Variants in COP1 observed in about 807,000 individuals in gnomAD.
COP1 encodes E3 ubiquitin-protein ligase COP1.
In COP1, 24 loss-of-function variants were observed where a neutral mutation model predicts 101.3. The observed-to-expected ratio is 0.24, with a 90% CI of 0.17 to 0.33. The LOEUF (loss-of-function observed/expected upper bound fraction) is 0.33, where lower values mean the gene tolerates loss of function less well. Ranked by LOEUF, COP1 falls within the 10% of genes least tolerant of loss-of-function variation. The pLI, the probability that COP1 is intolerant of heterozygous loss-of-function variation, is 1.00. For missense variants in COP1, 663 were observed against 906.2 expected (o/e 0.73, Z 3.45); for synonymous variants, 347 against 341.9 (o/e 1.01, Z -0.17).
intron 5 of COP1, among the ~76,000 whole-genome samples, chr1:176,151,401 GAAAGAAAGAA>G (rs1692550228): frequency 7.6e-6 from 1 of 131,314 alleles, no homozygotes; most frequent in Non-Finnish European, 1.8e-5. Context: ...AAGAAAGAAA[GAAAGAAAGAA>G]AGAAAGAAAC....
At position 175,956,424 on chromosome 1, in the gene COP1, G is replaced by GA. The variant is rs1405044087; in HGVS notation, c.2134-9186dup. Among the ~76,000 whole-genome samples, 5 of 149,784 alleles carry GA rather than the reference G, an allele frequency of 3.3e-5. No homozygotes were observed. In the East Asian group the frequency reaches 5.9e-4, roughly 18 times the overall value. Reference sequence around the variant, plus strand: ...AAAAGCTGAAACAATAAAACTTCAAGAAAAAAAATCAGAGAAAATCTTTGG... The same window carrying GA: ...AAAAGCTGAAACAATAAAACTTCAAGAAAAAAAAATCAGAGAAAATCTTTGG... On this transcript the variant is annotated intron_variant, in intron 18 of 19. Coordinates refer to ENST00000367669, the MANE Select transcript of COP1 (RefSeq NM_022457.7).
At chr1:176,004,153 G>T (rs1355110951) in intron 15 of COP1, among the ~76,000 whole-genome samples, 1 of 151,348 alleles carries the variant, frequency 6.6e-6, no homozygotes, top group Admixed American at 6.6e-5. Flanking sequence ...CTCTCTGTTT[G>T]TCTGTTGTTG....
At chr1:176,083,980 G>A (rs1679652877) in intron 10 of COP1, among the ~76,000 whole-genome samples, 3 of 152,080 alleles carry the variant, frequency 2.0e-5, no homozygotes, top group Admixed American at 6.6e-5. Flanking sequence ...GTCTTGTAAA[G>A]CTACACCCCC....
intron 15 of COP1, among the ~76,000 whole-genome samples, chr1:176,013,278 T>A (rs1314930279): frequency 6.6e-6 from 1 of 152,120 alleles, no homozygotes; most frequent in Non-Finnish European, 1.5e-5. Flanking sequence ...CCCAAAAATA[T>A]ATGATTATAG....
intron 11 of COP1, among the ~76,000 whole-genome samples, chr1:176,064,338 T>C (rs1675526392): frequency 6.6e-6 from 1 of 152,222 alleles, no homozygotes; most frequent in Admixed American, 6.5e-5. Context: ...ATGGACACAC[T>C]AGCATTTCCA....
intron 8 of COP1, 115 bp from the exon 9 acceptor site, chr1:176,116,796 G>A: frequency 1.4e-6 from 1 of 716,188 alleles, no homozygotes; most frequent in Non-Finnish European, 2.3e-6. Context: ...TCTAAGCCAA[G>A]AAAATATTTA....
At chr1:176,130,006 A>G (rs1418935642) in intron 8 of COP1, among the ~76,000 whole-genome samples, 1 of 151,762 alleles carries the variant, frequency 6.6e-6, no homozygotes, top group Non-Finnish European at 1.5e-5. Flanking sequence ...ATTCAATTAC[A>G]CATAATAATA....
chr1:176,135,179 G>T, intron 7 of COP1, 93 bp from the exon 8 acceptor site: 2 of 774,274 alleles, frequency 2.6e-6, no homozygotes, highest in African/African-American at 1.8e-5. Flanking sequence ...CTATTCCCAG[G>T]TTTTCATCAG....
intron 9 of COP1, among the ~76,000 whole-genome samples, chr1:176,096,498 C>T (rs891310833): frequency 2.0e-5 from 3 of 152,198 alleles, no homozygotes; most frequent in Admixed American, 6.5e-5. Context: ...GGCCCCAAGG[C>T]GGCCTCAGGG....
rs1261791810 is a variant in COP1, at chr1:176,206,767, G to T, written c.212C>A (p.Ala71Glu). 1.3e-6 allele frequency: 2 copies of T among 1,507,474 alleles called. No homozygotes were observed. Among genetic ancestry groups the T allele is most frequent in the Non-Finnish European group, 1.8e-6 (2 of 1,135,094 alleles). The allele number at this position is 1,507,474 out of a possible 1,614,324, so 93.4% of individuals were successfully genotyped here. Residue 71 changes from alanine to glutamate, a missense_variant, in exon 1 of 20, where the codon GCG (alanine) becomes GAG (glutamate). Physicochemically the swap from Ala to Glu is moderately radical, Grantham distance 107. Around this residue, in one of 4 missense-constraint regions of COP1, gnomAD observed 204 missense variants for 203.6 expected, o/e 1.00. Transcript: ENST00000367669. ...GCCGCCGCTACCCGATACGGCGGGCGCCACCAACACAGGCCGCACCGGGCC... is the reference window on the plus strand; with the variant it reads ...GCCGCCGCTACCCGATACGGCGGGCTCCACCAACACAGGCCGCACCGGGCC... ...LGGPVRPVLV[A>E]PAVSGSGGGA... is the part of the protein sequence containing the mutation.
chr1:176,159,982 G>A (rs112572570), intron 5 of COP1, among the ~76,000 whole-genome samples: 1 of 152,206 alleles, frequency 6.6e-6, no homozygotes, highest in South Asian at 2.1e-4. Flanking sequence ...TTTTCTGTAT[G>A]CTGGAAAGAT....
At chr1:176,071,810 T>C (rs1677056389) in intron 11 of COP1, among the ~76,000 whole-genome samples, 1 of 152,210 alleles carries the variant, frequency 6.6e-6, no homozygotes, top group South Asian at 2.1e-4. Flanking sequence ...TTCACAAGTC[T>C]ACTAAAATTT....
Position 176,102,472 on chromosome 1 carries a change from C to T in COP1, c.1026+14152G>A, listed in dbSNP as rs141749972. 2.6e-3 allele frequency among the ~76,000 whole-genome samples: 398 copies of T among 152,292 alleles called. 3 individuals are homozygous for T. Among genetic ancestry groups the T allele is most frequent in the African/African-American group, 9.2e-3 (381 of 41,556 alleles). On this transcript the variant is annotated intron_variant, in intron 9 of 19. Coordinates refer to ENST00000367669, the MANE Select transcript of COP1 (RefSeq NM_022457.7). ...TTCTGAAACTGCCACTGCAAAATTA[C>T]AGCTAAGACAGTGAAAGAGATCTGA...
chr1:176,077,456 T>A (rs1678260344), intron 11 of COP1, among the ~76,000 whole-genome samples: 1 of 152,134 alleles, frequency 6.6e-6, no homozygotes, highest in East Asian at 1.9e-4. Flanking sequence ...CAACATCCCG[T>A]CATGATAACA....
intron 2 of COP1, among the ~76,000 whole-genome samples, chr1:176,179,804 T>G (rs1015189515): frequency 6.6e-6 from 1 of 152,068 alleles, no homozygotes; most frequent in Non-Finnish European, 1.5e-5. Context: ...AAATCCTCTT[T>G]TCTTTAGTAT....
intron 9 of COP1, among the ~76,000 whole-genome samples, chr1:176,086,473 G>A (rs988493323): frequency 3.9e-5 from 6 of 151,924 alleles, no homozygotes; most frequent in African/African-American, 9.7e-5. Context: ...TGATCCACCC[G>A]CCTCGGCCTC....
intron 11 of COP1, among the ~76,000 whole-genome samples, chr1:176,077,109 C>A (rs545193023): frequency 6.6e-6 from 1 of 152,154 alleles, no homozygotes; most frequent in African/African-American, 2.4e-5. Flanking sequence ...AGGGGCTTCT[C>A]CCTAATTTAT....
intron 16 of COP1, 144 bp from the exon 17 acceptor site, chr1:175,988,556 G>C (rs1571424871): frequency 1.4e-6 from 1 of 720,006 alleles, no homozygotes; most frequent in East Asian, 2.8e-5. Flanking sequence ...CTGTCGGCCA[G>C]GCGTGGTGGC....
intron 18 of COP1, among the ~76,000 whole-genome samples, chr1:175,973,775 C>T (rs1653842738): frequency 6.6e-6 from 1 of 152,150 alleles, no homozygotes; most frequent in Admixed American, 6.5e-5. Flanking sequence ...ATTTTTGTGG[C>T]TACAAAACTC....
Sources: allele counts gnomAD v4.1 joint callset (sites outside exome capture counted in the v4.1 genomes callset), GRCh38; gene constraint gnomAD v4.1.1; regional missense constraint gnomAD v4.1.1; transcripts MANE v1.5; gene names NCBI Gene and HGNC (gene_info 2026-07-23, HGNC 2026-07-21).